Variants in ARMH3 observed in about 807,000 individuals in gnomAD.
The protein encoded by ARMH3 is armadillo-like helical domain-containing protein 3.
A neutral mutation model predicts 99.1 loss-of-function variants in ARMH3; 60 were observed. The observed-to-expected ratio is 0.61, with a 90% confidence interval of 0.49 to 0.75. ARMH3 has a LOEUF of 0.75. Among genes scored for constraint, ARMH3 ranks in the 30% least tolerant of loss-of-function variants. The pLI, the probability that ARMH3 is intolerant of heterozygous loss-of-function variation, is 0.00. For synonymous variants in ARMH3, 285 were observed against 292.8 expected (o/e 0.97, Z 0.27); for missense variants, 679 against 843.1 (o/e 0.81, Z 2.41).
At chr10:101,908,150 T>C (rs1029060031) in intron 23 of ARMH3, among the ~76,000 whole-genome samples, 3 of 152,254 alleles carry the variant, frequency 2.0e-5, no homozygotes, top group Non-Finnish European at 4.4e-5. Flanking sequence ...TTCCACTAAA[T>C]ACAATTGTAT....
intron 1 of ARMH3, among the ~76,000 whole-genome samples, chr10:102,050,598 C>A (rs897262655): frequency 1.3e-5 from 2 of 152,186 alleles, no homozygotes; most frequent in African/African-American, 4.8e-5. Flanking sequence ...TGGCTCAAGT[C>A]GGTAATCCCA....
chr10:101,927,179 TAA>T, intron 23 of ARMH3, among the ~76,000 whole-genome samples: 1 of 152,080 alleles, frequency 6.6e-6, no homozygotes. Flanking sequence ...CAGACACCCA[TAA>T]AAAGTTAAAG....
rs369675023 is a variant in ARMH3, at chr10:101,849,907, G to C, written c.1861-15C>G. ...ACCTCCAGCACCTGGAGGACATCAA[G>C]GGCCAGGCAGGGCTTAGGCCATGCA... On this transcript the variant is annotated splice_polypyrimidine_tract_variant and intron_variant, in intron 24 of 25. Transcript: ENST00000370033. 1.2e-6 allele frequency: 2 copies of C among 1,606,844 alleles called. No homozygotes were observed. Among genetic ancestry groups the C allele is most frequent in the African/African-American group, 2.7e-5 (2 of 74,884 alleles).
chr10:101,911,212 G>T (rs1387332309), intron 23 of ARMH3, among the ~76,000 whole-genome samples: 2 of 152,086 alleles, frequency 1.3e-5, no homozygotes, highest in Non-Finnish European at 2.9e-5. Context: ...TGTGAACACA[G>T]TTCTGGGTAT....
intron 23 of ARMH3, among the ~76,000 whole-genome samples, chr10:101,890,105 T>A (rs1421980308): frequency 1.3e-5 from 2 of 152,076 alleles, no homozygotes; most frequent in Non-Finnish European, 2.9e-5. Context: ...ACCAGTGCCT[T>A]GGTATAGGTC....
At chr10:102,020,602 C>T (rs952186408) in intron 8 of ARMH3, among the ~76,000 whole-genome samples, 1 of 150,090 alleles carries the variant, frequency 6.7e-6, no homozygotes, top group Non-Finnish European at 1.5e-5. Context: ...AGGAGAATGG[C>T]GTGAACCCAG....
chr10:102,037,140 C>T (rs1281002811), intron 2 of ARMH3, among the ~76,000 whole-genome samples: 1 of 150,892 alleles, frequency 6.6e-6, no homozygotes, highest in Non-Finnish European at 1.5e-5. Flanking sequence ...TAGTTAAGTC[C>T]TGATCTAATA....
intron 23 of ARMH3, among the ~76,000 whole-genome samples, chr10:101,912,614 TAA>T (rs772539703): frequency 1.3e-5 from 2 of 152,216 alleles, no homozygotes; most frequent in African/African-American, 2.4e-5. Context: ...TTGCTGCAAG[TAA>T]AGACAGTTTA....
At chr10:101,944,271 TATAGAGAGAGAGAGAGAGAG>T (rs1299072506) in intron 22 of ARMH3, among the ~76,000 whole-genome samples, 41 of 40,010 alleles carry the variant, frequency 1.0e-3, no homozygotes, top group Admixed American at 2.0e-3. Flanking sequence ...TATATATATA[TATAGAGAGAGAGAGAGAGAG>T]AGAGAGAGAG....
At chr10:101,887,853 C>CT (rs1240515275) in intron 24 of ARMH3, among the ~76,000 whole-genome samples, 1 of 152,002 alleles carries the variant, frequency 6.6e-6, no homozygotes, top group Non-Finnish European at 1.5e-5. Flanking sequence ...TTGAGAGGCA[C>CT]TTTCATCATT....
chr10:101,945,730 A>AC (rs1025165891), intron 22 of ARMH3, among the ~76,000 whole-genome samples: 10 of 151,642 alleles, frequency 6.6e-5, no homozygotes, highest in African/African-American at 1.9e-4. Flanking sequence ...CAAAAAAGAA[A>AC]AAAAAAAATC....
intron 23 of ARMH3, among the ~76,000 whole-genome samples, chr10:101,918,999 G>A (rs2135588197): frequency 6.6e-6 from 1 of 152,294 alleles, no homozygotes; most frequent in South Asian, 2.1e-4. Flanking sequence ...GGTCAGTTTA[G>A]TCAAATCTAT....
At chr10:101,915,092 CA>C (rs1843023693) in intron 23 of ARMH3, among the ~76,000 whole-genome samples, 1 of 150,882 alleles carries the variant, frequency 6.6e-6, no homozygotes, top group Non-Finnish European at 1.5e-5. Context: ...CAACTCTAAC[CA>C]AAATGATTCA....
At chr10:101,906,180 G>C (rs1275899194) in intron 23 of ARMH3, among the ~76,000 whole-genome samples, 1 of 151,974 alleles carries the variant, frequency 6.6e-6, no homozygotes. Flanking sequence ...GTTTCCTTTT[G>C]TTTTTTCTTT....
chr10:102,009,609 T>A (rs1309005275), intron 12 of ARMH3, among the ~76,000 whole-genome samples, 160 bp from the exon 13 acceptor site: 1 of 152,218 alleles, frequency 6.6e-6, no homozygotes, highest in Non-Finnish European at 1.5e-5. Context: ...TATGCAAAAG[T>A]GTATAGGCAG....
chr10:101,960,698 G>C (rs966404981), intron 20 of ARMH3, among the ~76,000 whole-genome samples: 14 of 151,894 alleles, frequency 9.2e-5, no homozygotes, highest in Admixed American at 9.2e-4. Context: ...AGACCAGCCC[G>C]GCCAAGATGG....
chr10:101,957,702 G>T lies in ARMH3; in HGVS notation c.1526C>A (p.Ser509Ter). Residue 509 changes from serine (S) to a stop codon, truncating the protein, a stop_gained, in exon 21 of 26, where the codon TCA becomes TAA. Coordinates refer to ENST00000370033, the MANE Select transcript of ARMH3 (RefSeq NM_024541.3). LOFTEE classifies it high-confidence loss of function. ...TTTGGCCAAAAGTACAGTCTCATTT[G>T]ACATAAGGAACTTCAGCAAATTTAT... ...ALINLLKFLM[S>*]NETVLLAKHN... is the part of the protein sequence containing the mutation. 6.3e-7 allele frequency: 1 copy of T among 1,591,748 alleles called. No individual in the cohort carries two copies. Among genetic ancestry groups the T allele is most frequent in the South Asian group, 1.1e-5 (1 of 87,368 alleles).
intron 23 of ARMH3, among the ~76,000 whole-genome samples, chr10:101,914,594 G>A (rs566910963): frequency 5.9e-5 from 9 of 151,702 alleles, no homozygotes; most frequent in South Asian, 2.1e-4. Flanking sequence ...GGCTGGGTGC[G>A]GTGGCTTATG....
chr10:101,875,501 T>C (rs1252760159), intron 24 of ARMH3, among the ~76,000 whole-genome samples: 1 of 152,210 alleles, frequency 6.6e-6, no homozygotes, highest in Non-Finnish European at 1.5e-5. Flanking sequence ...CTGTATATAA[T>C]AGGCAGAAGG....
Sources: gnomAD v4.1 joint callset for allele counts (sites outside exome capture counted in the v4.1 genomes callset) on GRCh38, gnomAD v4.1.1 for gene constraint, MANE v1.5 for transcripts, NCBI Gene and HGNC (gene_info 2026-07-23, HGNC 2026-07-21) for gene names.